Variants in RNF152 observed in about 807,000 individuals in gnomAD.
The protein encoded by RNF152 is ring finger protein 152.
In RNF152, 11 loss-of-function variants were observed where a neutral mutation model predicts 12.7. The ratio of observed to expected loss-of-function variants is 0.86; its 90% CI spans 0.54 to 1.43. The LOEUF is 1.43. Ranked by LOEUF, RNF152 falls within the 40% of genes most tolerant of loss-of-function variation. The pLI is 0.00. For synonymous variants in RNF152, 113 were observed against 120.3 expected (o/e 0.94, Z 0.40); for missense variants, 255 against 274.8 (o/e 0.93, Z 0.51).
intron 1 of RNF152, among the ~76,000 whole-genome samples, chr18:61,874,604 G>C (rs929991250): frequency 6.6e-6 from 1 of 152,210 alleles, no homozygotes; most frequent in Non-Finnish European, 1.5e-5. Flanking sequence ...CATAGGCTGA[G>C]TGGCAAGAGA....
At chr18:61,833,641 G>T (rs1446817302) in intron 1 of RNF152, among the ~76,000 whole-genome samples, 1 of 152,176 alleles carries the variant, frequency 6.6e-6, no homozygotes, top group Non-Finnish European at 1.5e-5. Flanking sequence ...TCGTCTGTTT[G>T]TTTTTCTTTA....
rs184947132 is a variant in RNF152, at chr18:61,812,285, C to T, written c.*3567G>A. 9.2e-5 allele frequency: 14 copies of T among 152,262 alleles called. No homozygotes were observed. The East Asian group carries it at 1.2e-3, about 13-fold the overall frequency. 9.4% of individuals were successfully genotyped at this position (152,262 alleles called of 1,614,324 possible). On this transcript the variant is annotated 3_prime_UTR_variant, in exon 2 of 2. Transcript: ENST00000312828. ...AAAAGTCAATGTGCCTGGTGGCTAC[C>T]GTACCAGACGGCACAGGTTTTCGAG...
At chr18:61,845,930 T>G (rs12456291) in intron 1 of RNF152, among the ~76,000 whole-genome samples, 28,084 of 149,310 alleles carry the variant, frequency 0.19, 2,998 homozygotes, top group South Asian at 0.32. Flanking sequence ...TGGGGGGGCG[T>G]GGTGATGAGG....
At chr18:61,834,243 G>A (rs772454992) in intron 1 of RNF152, among the ~76,000 whole-genome samples, 1 of 152,054 alleles carries the variant, frequency 6.6e-6, no homozygotes, top group Non-Finnish European at 1.5e-5. Context: ...CTTTTGGTCT[G>A]GAACCAAAAA....
chr18:61,846,894 T>G (rs1910763145), intron 1 of RNF152, among the ~76,000 whole-genome samples: 2 of 152,186 alleles, frequency 1.3e-5, no homozygotes, highest in African/African-American at 4.8e-5. Context: ...AGTCTGGATT[T>G]GAGTCCCAAC....
At chr18:61,820,328 CACCAAAAAAAAAAA>C (rs1268806692) in intron 1 of RNF152, among the ~76,000 whole-genome samples, 5 of 28,106 alleles carry the variant, frequency 1.8e-4, no homozygotes, top group African/African-American at 7.7e-4. Flanking sequence ...GACTCCGTCT[CACCAAAAAAAAAAA>C]AAAAAAAAAA....
rs1208494952 is a variant in RNF152, at chr18:61,810,742, C to A, written c.*5110G>T. Reference sequence around the variant, plus strand: ...TTTAAATAGACTACTACTTTCAAAACAGCTACTGAATTATCTCGACTATCT... The same window carrying A: ...TTTAAATAGACTACTACTTTCAAAAAAGCTACTGAATTATCTCGACTATCT... On this transcript the variant is annotated 3_prime_UTR_variant, in exon 2 of 2. Coordinates refer to ENST00000312828, the MANE Select transcript of RNF152 (RefSeq NM_173557.3). 1 of 152,184 alleles carries A rather than the reference C, an allele frequency of 6.6e-6. No homozygotes were observed. Among genetic ancestry groups the A allele is most frequent in the African/African-American group, 2.4e-5 (1 of 41,452 alleles). 9.4% of individuals were successfully genotyped at this position (152,184 alleles called of 1,614,324 possible).
intron 1 of RNF152, among the ~76,000 whole-genome samples, chr18:61,889,663 T>C (rs1302434884): frequency 6.6e-6 from 1 of 152,280 alleles, no homozygotes; most frequent in Admixed American, 6.5e-5. Flanking sequence ...CCCAAATTGC[T>C]TTTTCTAAAC....
chr18:61,869,908 T>C (rs1032782076), intron 1 of RNF152, among the ~76,000 whole-genome samples: 1 of 152,200 alleles, frequency 6.6e-6, no homozygotes, highest in Non-Finnish European at 1.5e-5. Flanking sequence ...AGATGTACTT[T>C]GGACAGGAAA....
chr18:61,817,540 T>C (rs1909170750), intron 1 of RNF152, among the ~76,000 whole-genome samples: 1 of 152,188 alleles, frequency 6.6e-6, no homozygotes, highest in Non-Finnish European at 1.5e-5. Context: ...AAAGCCCCTG[T>C]ATACCGAGGG....
chr18:61,852,319 C>A (rs2144696611), intron 1 of RNF152, among the ~76,000 whole-genome samples: 1 of 152,284 alleles, frequency 6.6e-6, no homozygotes, highest in East Asian at 1.9e-4. Context: ...TTTTTAAAAA[C>A]CTCTGGGCAA....
intron 1 of RNF152, among the ~76,000 whole-genome samples, chr18:61,840,405 T>C (rs7229409): frequency 0.38 from 58,199 of 152,076 alleles, 12,346 homozygotes; most frequent in Non-Finnish European, 0.49. Context: ...CTTTTCTTTA[T>C]AACCCAGAAC....
chr18:61,832,233 C>T (rs1166584587), intron 1 of RNF152, among the ~76,000 whole-genome samples: 1 of 152,162 alleles, frequency 6.6e-6, no homozygotes, highest in Non-Finnish European at 1.5e-5. Context: ...TGAATTCATT[C>T]TAAAGCATTT....
At chr18:61,833,899 C>T (rs4398187) in intron 1 of RNF152, among the ~76,000 whole-genome samples, 148,664 of 152,268 alleles carry the variant, frequency 0.98, 72,600 homozygotes, top group East Asian at 1. Context: ...AAAAAAGTTT[C>T]ATCCACAAGA....
At chr18:61,874,194 A>G (rs969030727) in intron 1 of RNF152, among the ~76,000 whole-genome samples, 1 of 152,258 alleles carries the variant, frequency 6.6e-6, no homozygotes, top group Admixed American at 6.5e-5. Context: ...GCAAAATGAC[A>G]TAATAATTTC....
chr18:61,837,578 C>T (rs759952110), intron 1 of RNF152, among the ~76,000 whole-genome samples: 9 of 152,128 alleles, frequency 5.9e-5, no homozygotes, highest in Non-Finnish European at 1.3e-4. Context: ...TTTTTAATTA[C>T]TATGGACTTA....
intron 1 of RNF152, among the ~76,000 whole-genome samples, chr18:61,873,427 T>C (rs1381448257): frequency 2.0e-5 from 3 of 152,210 alleles, no homozygotes; most frequent in Non-Finnish European, 4.4e-5. Flanking sequence ...AACCTCTGCC[T>C]CCTGGGTTCA....
chr18:61,814,144 A>G lies in RNF152; in HGVS notation c.*1708T>C, dbSNP rs967854043. ...GCAGTATTAGCTTTGTATTCTAGCC[A>G]TTATATTTTTGTTTTATTTCACATT... On this transcript the variant is annotated 3_prime_UTR_variant, in exon 2 of 2. Coordinates refer to ENST00000312828, the MANE Select transcript of RNF152 (RefSeq NM_173557.3). 2.6e-5 allele frequency: 4 copies of G among 152,206 alleles called. No individual in the cohort carries two copies. The highest frequency in any genetic ancestry group is 5.9e-5 in the Non-Finnish European group (4 of 68,036). The allele number at this position is 152,206 out of a possible 1,614,324, so 9.4% of individuals were successfully genotyped here.
At chr18:61,820,345 A>C (rs1266487435) in intron 1 of RNF152, among the ~76,000 whole-genome samples, 8 of 150,990 alleles carry the variant, frequency 5.3e-5, no homozygotes, top group African/African-American at 1.2e-4. Context: ...AAAAAAAAAA[A>C]AAAAAAAAAA....
Sources: allele counts gnomAD v4.1 joint callset (sites outside exome capture counted in the v4.1 genomes callset), GRCh38; gene constraint gnomAD v4.1.1; transcripts MANE v1.5; gene names NCBI Gene and HGNC (gene_info 2026-07-23, HGNC 2026-07-21).